The following GRK3 variants were observed in gnomAD, a reference collection of about 807,000 sequenced individuals.
GRK3 encodes the protein G protein-coupled receptor kinase 3.
Under a neutral mutation model 95.7 loss-of-function variants are expected in GRK3, and 54 were observed. That is an observed-to-expected ratio of 0.56 (90% confidence interval 0.45 to 0.71). The LOEUF (loss-of-function observed/expected upper bound fraction) is 0.71. Among genes scored for constraint, GRK3 ranks in the 30% least tolerant of loss-of-function variants. The probability of loss-of-function intolerance (pLI) is 0.00; values close to 1 mark genes in which losing one functional copy is unlikely to be tolerated. For synonymous variants in GRK3, 281 were observed against 290.8 expected (o/e 0.97, Z 0.34); for missense variants, 649 against 851.2 (o/e 0.76, Z 2.96).
At chr22:25,709,194 TG>T (rs1157232805) in intron 15 of GRK3, among the ~76,000 whole-genome samples, 1 of 152,018 alleles carries the variant, frequency 6.6e-6, no homozygotes, top group Non-Finnish European at 1.5e-5. Context: ...CCCGTCACCA[TG>T]CCCGGCTAAT....
intron 2 of GRK3, among the ~76,000 whole-genome samples, chr22:25,620,411 G>C (rs558097038): frequency 6.6e-6 from 1 of 152,160 alleles, no homozygotes; most frequent in Non-Finnish European, 1.5e-5. Context: ...AGTCCCGCAG[G>C]GATTGTGGGG....
At position 25,574,560 on chromosome 22, in the gene GRK3, T is replaced by G. The variant is rs182571847; in HGVS notation, c.113+9407T>G. Among the ~76,000 whole-genome samples, 18 of 152,352 alleles carry G rather than the reference T, an allele frequency of 1.2e-4. No individual in the cohort carries two copies. The East Asian group carries it at 3.5e-3, about 29-fold the overall frequency. On this transcript the variant is annotated intron_variant, in intron 1 of 20. Transcript: ENST00000324198. Reference sequence around the variant, plus strand: ...TGGCATTTACACAGCTGTTAAATATTGCAGACTTTCATTTTCCTTTGTGAA... The same window carrying G: ...TGGCATTTACACAGCTGTTAAATATGGCAGACTTTCATTTTCCTTTGTGAA...
In GRK3 at chr22:25,724,916, A is replaced by G. The variant is rs565109446; in HGVS notation, c.*2466A>G. On this transcript the variant is annotated 3_prime_UTR_variant, in exon 21 of 21. Coordinates refer to ENST00000324198, the MANE Select transcript of GRK3 (RefSeq NM_005160.4). The stretch of plus-strand genomic sequence containing the variant: ...CGCTCTGTCACCCAGGCTGGAGAAC[A>G]GTGGGATGATCATGGCTCACTGCAG... The G allele has an allele frequency of 6.6e-6, 1 of 152,266 alleles. No homozygotes were observed. The highest frequency in any genetic ancestry group is 2.4e-5 in the African/African-American group (1 of 41,542). 9.4% of individuals were successfully genotyped at this position (152,266 alleles called of 1,614,324 possible).
chr22:25,620,317 A>G (rs1026854223), intron 2 of GRK3, among the ~76,000 whole-genome samples: 4 of 152,066 alleles, frequency 2.6e-5, no homozygotes, highest in Admixed American at 2.6e-4. Flanking sequence ...TTAATATGCA[A>G]ATGCAGGGCA....
At chr22:25,711,237 GGTT>G in intron 17 of GRK3, 74 bp downstream of exon 17, 1 of 1,029,346 alleles carries the variant, frequency 9.7e-7, no homozygotes, top group Non-Finnish European at 1.4e-6. Context: ...CAAACTTAGT[GGTT>G]GTTTTAATAT....
At chr22:25,589,416 A>G (rs753209217) in intron 1 of GRK3, among the ~76,000 whole-genome samples, 15 of 152,148 alleles carry the variant, frequency 9.9e-5, no homozygotes, top group Admixed American at 5.2e-4. Flanking sequence ...TTATAATACA[A>G]TATTTATTAT....
intron 2 of GRK3, among the ~76,000 whole-genome samples, chr22:25,641,378 T>C (rs929784365): frequency 6.6e-6 from 1 of 152,226 alleles, no homozygotes; most frequent in African/African-American, 2.4e-5. Context: ...CTCTTTCTTC[T>C]ACCTTTCTTC....
rs553068457 is a variant in GRK3, at chr22:25,648,746, T to C, written c.264+4081T>C. ...TGGTTGATATGCCTGCTCAGATTGC[T>C]GATGGTATGGCATATATTAAAAGAA... On this transcript the variant is annotated intron_variant, in intron 3 of 20. Coordinates refer to ENST00000324198, the MANE Select transcript of GRK3 (RefSeq NM_005160.4). The C allele has an allele frequency of 2.7e-6, 3 of 1,124,078 alleles. No individual in the cohort carries two copies. The East Asian group carries it at 7.1e-5, about 26-fold the overall frequency. 69.6% of individuals were successfully genotyped at this position (1,124,078 alleles called of 1,614,324 possible). A position where few individuals can be genotyped will look rare whatever the true frequency, so the allele number is the denominator to read the frequency against.
intron 1 of GRK3, among the ~76,000 whole-genome samples, chr22:25,568,499 C>T (rs1931572027): frequency 6.6e-6 from 1 of 152,156 alleles, no homozygotes; most frequent in African/African-American, 2.4e-5. Flanking sequence ...ATAGGAAGGT[C>T]TGAAACAACA....
chr22:25,648,118 A>G (rs2084799945), intron 3 of GRK3: 8 of 597,276 alleles, frequency 1.3e-5, no homozygotes, highest in South Asian at 1.2e-4. Context: ...ACTCCGTCTA[A>G]AAAACAAATA....
At chr22:25,699,888 C>T (rs1015683027) in intron 13 of GRK3, among the ~76,000 whole-genome samples, 3 of 151,972 alleles carry the variant, frequency 2.0e-5, no homozygotes, top group East Asian at 1.9e-4. Context: ...TTAGTAGAGA[C>T]GGGGCATCAC....
intron 5 of GRK3, among the ~76,000 whole-genome samples, chr22:25,664,325 A>T (rs1555924673): frequency 6.6e-6 from 1 of 152,116 alleles, no homozygotes; most frequent in Non-Finnish European, 1.5e-5. Context: ...TGTGTTTTTT[A>T]TAGAGGTGGC....
chr22:25,723,669 T>G lies in GRK3; in HGVS notation c.*1219T>G, dbSNP rs957608705. Reference sequence around the variant, plus strand: ...TTATGAGAACCAGCGAAATCCCCCATGTCATCAGTCTTAAAAAAAAAATTT... The same window carrying G: ...TTATGAGAACCAGCGAAATCCCCCAGGTCATCAGTCTTAAAAAAAAAATTT... On this transcript the variant is annotated 3_prime_UTR_variant, in exon 21 of 21. Coordinates refer to ENST00000324198, the MANE Select transcript of GRK3 (RefSeq NM_005160.4). 6.6e-6 allele frequency: 1 copy of G among 152,110 alleles called. No homozygotes were observed. The allele number at this position is 152,110 out of a possible 1,614,324, so 9.4% of individuals were successfully genotyped here.
At chr22:25,606,531 G>A (rs1355513414) in intron 2 of GRK3, among the ~76,000 whole-genome samples, 7 of 152,122 alleles carry the variant, frequency 4.6e-5, no homozygotes, top group African/African-American at 1.4e-4. Flanking sequence ...TCCAGGTTCC[G>A]TTTGCGCCTT....
intron 13 of GRK3, among the ~76,000 whole-genome samples, chr22:25,699,577 C>T (rs965954383): frequency 2.0e-5 from 3 of 152,188 alleles, no homozygotes; most frequent in Admixed American, 1.3e-4. Context: ...TCAACAGTGC[C>T]GAGGGTGAGG....
intron 15 of GRK3, among the ~76,000 whole-genome samples, chr22:25,704,899 G>T (rs2085287805): frequency 6.6e-6 from 1 of 152,078 alleles, no homozygotes; most frequent in South Asian, 2.1e-4. Context: ...CTATTCTCCT[G>T]CCCCAAAACA....
rs1416813091 is a variant in GRK3 at position 25,723,220 on chromosome 22, G to A, written c.*770G>A. 3 of 152,264 alleles carry A rather than the reference G, an allele frequency of 2.0e-5. No individual in the cohort carries two copies. The highest frequency in any genetic ancestry group is 6.5e-5 in the Admixed American group (1 of 15,282). The allele number at this position is 152,264 out of a possible 1,614,324, so 9.4% of individuals were successfully genotyped here. ...AAGAGCAGTTTTCAAAAGTCTTTGAGTCCAGTGTGCACGAGTCGACAAGCA... is the reference window on the plus strand; with the variant it reads ...AAGAGCAGTTTTCAAAAGTCTTTGAATCCAGTGTGCACGAGTCGACAAGCA... On this transcript the variant is annotated 3_prime_UTR_variant, in exon 21 of 21. Transcript: ENST00000324198.
chr22:25,699,855 C>T (rs1028449794), intron 13 of GRK3, among the ~76,000 whole-genome samples: 33 of 152,044 alleles, frequency 2.2e-4, no homozygotes, highest in Non-Finnish European at 4.3e-4. Flanking sequence ...CCCGCCACCA[C>T]GCCCAGCTAA....
chr22:25,606,946 C>T (rs79187683), intron 2 of GRK3, among the ~76,000 whole-genome samples: 9,099 of 123,660 alleles, frequency 0.074, 181 homozygotes, highest in East Asian at 0.17. Context: ...GCTGGTAATA[C>T]ACATGAAGCC....
Sources: allele counts gnomAD v4.1 joint callset (sites outside exome capture counted in the v4.1 genomes callset), GRCh38; gene constraint gnomAD v4.1.1; transcripts MANE v1.5; gene names NCBI Gene and HGNC (gene_info 2026-07-23, HGNC 2026-07-21).